The following SPATA16 variants were observed in gnomAD, a reference collection of about 807,000 sequenced individuals.
SPATA16 encodes the protein spermatogenesis-associated protein 16.
Under a neutral mutation model 63.3 loss-of-function variants are expected in SPATA16, and 36 were observed. The ratio of observed to expected loss-of-function variants is 0.57; its 90% CI spans 0.44 to 0.75. The LOEUF (loss-of-function observed/expected upper bound fraction) is 0.75, where lower values mean the gene tolerates loss of function less well. Among genes scored for constraint, SPATA16 ranks in the 30% least tolerant of loss-of-function variants. The pLI, the probability that SPATA16 is intolerant of heterozygous loss-of-function variation, is 0.00. For synonymous variants in SPATA16, 203 were observed against 216.7 expected, an observed-to-expected ratio of 0.94 and a Z score of 0.56; for missense variants, 646 against 679.3, an observed-to-expected ratio of 0.95 and a Z score of 0.54.
At chr3:173,131,953 CAA>C (rs933028943) in intron 1 of SPATA16, among the ~76,000 whole-genome samples, 2 of 151,936 alleles carry the variant, frequency 1.3e-5, no homozygotes, top group Admixed American at 1.3e-4. Context: ...TAAAACATCT[CAA>C]GATAACAATT....
At chr3:173,138,004 G>A (rs375848569) in intron 1 of SPATA16, among the ~76,000 whole-genome samples, 114 of 152,176 alleles carry the variant, frequency 7.5e-4, no homozygotes, top group Middle Eastern at 3.4e-3. Flanking sequence ...CAACAGGAAT[G>A]AGAAGTGATT....
intron 1 of SPATA16, among the ~76,000 whole-genome samples, chr3:173,133,269 A>G (rs1738433120): frequency 6.6e-6 from 1 of 152,192 alleles, no homozygotes; most frequent in Admixed American, 6.5e-5. Flanking sequence ...AATAGAGGGT[A>G]CTGGAGAAAC....
intron 7 of SPATA16, among the ~76,000 whole-genome samples, 151 bp downstream of exon 7, chr3:172,925,193 TGG>T (rs1381344714): frequency 6.6e-6 from 1 of 152,108 alleles, no homozygotes; most frequent in Non-Finnish European, 1.5e-5. Context: ...TGTGTGTTCT[TGG>T]GGAAAGATTT....
intron 6 of SPATA16, among the ~76,000 whole-genome samples, chr3:172,934,086 A>G (rs1259699234): frequency 6.6e-6 from 1 of 152,160 alleles, no homozygotes; most frequent in Non-Finnish European, 1.5e-5. Flanking sequence ...AATAAAAATA[A>G]TAAATGTTTA....
chr3:172,936,094 C>G (rs1732987285), intron 6 of SPATA16, among the ~76,000 whole-genome samples: 1 of 152,094 alleles, frequency 6.6e-6, no homozygotes, highest in Non-Finnish European at 1.5e-5. Flanking sequence ...GTCTTTCTTC[C>G]TAGTTTCTGG....
intron 10 of SPATA16, among the ~76,000 whole-genome samples, chr3:172,903,082 G>A (rs1490885112): frequency 6.6e-6 from 1 of 152,082 alleles, no homozygotes. Flanking sequence ...GCTACCAAGT[G>A]GTATAAGCTG....
intron 3 of SPATA16, among the ~76,000 whole-genome samples, chr3:173,023,915 T>A (rs1163615794): frequency 6.6e-6 from 1 of 150,644 alleles, no homozygotes; most frequent in Non-Finnish European, 1.5e-5. Context: ...TTATATAAAA[T>A]GTATAGAATA....
chr3:173,053,594 G>A (rs902018916), intron 2 of SPATA16, among the ~76,000 whole-genome samples: 9 of 152,024 alleles, frequency 5.9e-5, no homozygotes, highest in Admixed American at 3.3e-4. Flanking sequence ...TATATGGTGA[G>A]CCACATTCTT....
intron 2 of SPATA16, among the ~76,000 whole-genome samples, chr3:173,086,655 C>G (rs1737063516): frequency 6.6e-6 from 1 of 152,128 alleles, no homozygotes; most frequent in East Asian, 1.9e-4. Context: ...ACCTTTCTAG[C>G]TTTCTGATGT....
At chr3:173,024,769 G>T (rs1175960019) in intron 3 of SPATA16, among the ~76,000 whole-genome samples, 2 of 150,278 alleles carry the variant, frequency 1.3e-5, no homozygotes, top group Non-Finnish European at 3.0e-5. Context: ...TTTTATTTTT[G>T]ATTTATTCAT....
At chr3:172,930,846 T>C (rs1732855866) in intron 6 of SPATA16, among the ~76,000 whole-genome samples, 1 of 151,458 alleles carries the variant, frequency 6.6e-6, no homozygotes, top group South Asian at 2.1e-4. Flanking sequence ...GCCACCTTTT[T>C]GAGAGGGAGT....
intron 2 of SPATA16, among the ~76,000 whole-genome samples, chr3:173,049,586 A>C (rs1577148349): frequency 6.6e-6 from 1 of 152,166 alleles, no homozygotes; most frequent in South Asian, 2.1e-4. Context: ...GTAAACTCCT[A>C]GGAGCCATTA....
At chr3:173,139,718 GCT>G (rs1345686155) in intron 1 of SPATA16, among the ~76,000 whole-genome samples, 5 of 152,204 alleles carry the variant, frequency 3.3e-5, no homozygotes, top group African/African-American at 9.7e-5. Context: ...GGGCGTAGTG[GCT>G]CATGCCTGTA....
At chr3:173,036,439 G>A (rs1735716735) in intron 3 of SPATA16, among the ~76,000 whole-genome samples, 3 of 151,970 alleles carry the variant, frequency 2.0e-5, no homozygotes, top group Non-Finnish European at 4.4e-5. Flanking sequence ...AATGAAATGT[G>A]TCAACATTCA....
chr3:173,029,406 G>GGTT (rs776770594), intron 3 of SPATA16, among the ~76,000 whole-genome samples: 1 of 139,852 alleles, frequency 7.2e-6, no homozygotes, highest in African/African-American at 2.8e-5. Flanking sequence ...AGTAATCAGA[G>GGTT]TTTTTTTTTT....
chr3:173,128,013 A>G (rs11929145), intron 1 of SPATA16, among the ~76,000 whole-genome samples: 21,826 of 152,212 alleles, frequency 0.14, 1,666 homozygotes, highest in African/African-American at 0.19. Flanking sequence ...CCATCAAAGT[A>G]CAAATATTTT....
intron 2 of SPATA16, among the ~76,000 whole-genome samples, chr3:173,076,194 C>T (rs577910715): frequency 5.9e-5 from 9 of 151,956 alleles, no homozygotes; most frequent in East Asian, 5.8e-4. Context: ...CTTTTAAGTT[C>T]GCGAAATCAG....
At chr3:172,931,940 T>C (rs1318520153) in intron 6 of SPATA16, among the ~76,000 whole-genome samples, 1 of 152,164 alleles carries the variant, frequency 6.6e-6, no homozygotes, top group African/African-American at 2.4e-5. Context: ...CTGGGAAATA[T>C]GAACTCAGTC....
chr3:173,057,348 C>T (rs138790823), intron 2 of SPATA16, among the ~76,000 whole-genome samples: 1 of 152,204 alleles, frequency 6.6e-6, no homozygotes, highest in East Asian at 1.9e-4. Flanking sequence ...CGCCTGACCT[C>T]TTGATCCTCC....
Sources: allele counts gnomAD v4.1 joint callset (sites outside exome capture counted in the v4.1 genomes callset), GRCh38; gene constraint gnomAD v4.1.1; transcripts MANE v1.5; gene names NCBI Gene and HGNC (gene_info 2026-07-23, HGNC 2026-07-21).